Variants in ABCA13 observed in about 807,000 individuals in gnomAD.
ABCA13 encodes the protein ATP binding cassette subfamily A member 13, also known as ATP-binding cassette sub-family A member 13.
Under a neutral mutation model 478.7 loss-of-function variants are expected in ABCA13, and 476 were observed. The ratio of observed to expected loss-of-function variants is 0.99; its 90% confidence interval spans 0.92 to 1.07. The LOEUF (loss-of-function observed/expected upper bound fraction) is 1.07. ABCA13 is among the 50% of genes least tolerant of loss of function. The pLI is 0.00. For missense variants in ABCA13, 6,060 were observed against 5,910.6 expected, an observed-to-expected ratio of 1.03 and a Z score of -0.83; for synonymous variants, 2,252 against 2,158.9, an observed-to-expected ratio of 1.04 and a Z score of -1.20.
At chr7:48,356,185 T>C (rs931740849) in intron 31 of ABCA13, among the ~76,000 whole-genome samples, 1 of 151,552 alleles carries the variant, frequency 6.6e-6, no homozygotes, top group African/African-American at 2.4e-5. Flanking sequence ...ATGGGTGAAA[T>C]AAGGTAAAGA....
chr7:48,363,696 A>G (rs143546890), intron 31 of ABCA13, among the ~76,000 whole-genome samples: 314 of 151,958 alleles, frequency 2.1e-3, no homozygotes, highest in Admixed American at 3.9e-3. Context: ...TGCAGTATCA[A>G]TTTGGCCTGT....
At chr7:48,428,049 C>G in intron 42 of ABCA13, among the ~76,000 whole-genome samples, 178 bp downstream of exon 42, 1 of 143,874 alleles carries the variant, frequency 7.0e-6, no homozygotes, top group South Asian at 2.2e-4. Flanking sequence ...GAGTTTTATC[C>G]TGGCTTGAAA....
intron 55 of ABCA13, among the ~76,000 whole-genome samples, chr7:48,562,583 G>A (rs1258303727): frequency 6.6e-6 from 1 of 152,076 alleles, no homozygotes; most frequent in Non-Finnish European, 1.5e-5. Context: ...GAAAAAAATA[G>A]AATCAAATAT....
chr7:48,362,524 G>A (rs970872005), intron 31 of ABCA13, among the ~76,000 whole-genome samples: 2 of 143,738 alleles, frequency 1.4e-5, no homozygotes, highest in African/African-American at 5.1e-5. Context: ...TCTCTTGTAT[G>A]CATTATATAG....
rs146514149 is a variant in ABCA13, at chr7:48,448,859, T to C, written c.12566-6178T>C. 6.3e-3 allele frequency among the ~76,000 whole-genome samples: 956 copies of C among 152,354 alleles called. 10 individuals are homozygous for C. The highest frequency in any genetic ancestry group is 0.022 in the African/African-American group (901 of 41,580). On this transcript the variant is annotated intron_variant, in intron 42 of 61. Coordinates refer to ENST00000435803, the MANE Select transcript of ABCA13 (RefSeq NM_152701.5). ...AATTAACCTAGCTTTATTTATTTATTTGAGACAGAGTCTTGCTCTGTCTCC... is the reference window on the plus strand; with the variant it reads ...AATTAACCTAGCTTTATTTATTTATCTGAGACAGAGTCTTGCTCTGTCTCC...
intron 55 of ABCA13, among the ~76,000 whole-genome samples, chr7:48,552,630 T>A: frequency 6.6e-6 from 1 of 151,396 alleles, no homozygotes; most frequent in African/African-American, 2.4e-5. Flanking sequence ...ATTGACAAAT[T>A]ATAATTGTAT....
At chr7:48,285,122 A>T (rs961194231) in intron 19 of ABCA13, among the ~76,000 whole-genome samples, 2 of 152,072 alleles carry the variant, frequency 1.3e-5, no homozygotes, top group Admixed American at 1.3e-4. Flanking sequence ...CAGTTTCCCT[A>T]ATTGACGAAT....
rs139183809 is a variant in ABCA13, at chr7:48,298,483, C to T, written c.9317C>T (p.Ser3106Phe). 6.2e-7 allele frequency: 1 copy of T among 1,612,436 alleles called. No individual in the cohort carries two copies. The highest frequency in any genetic ancestry group is 8.5e-7 in the Non-Finnish European group (1 of 1,179,364). ...HSILEANISHSKVLFSALTVA... is the reference protein window; with the variant it reads ...HSILEANISHFKVLFSALTVA... ...ATTCTAGAAGCAAATATTTCCCACT[C>T]CAAGGTGTGGTGCTGTTTCTTGTCT... The change falls in exon 23 of 62, where the codon TCC (serine) becomes TTC (phenylalanine). Residue 3106 changes from serine to phenylalanine, a missense_variant. By Grantham distance (155) the Ser-to-Phe change is radical. Around this residue, in one of 3 missense-constraint regions of ABCA13, gnomAD observed 4,423 missense variants for 4,309.1 expected, o/e 1.03. Transcript: ENST00000435803.
chr7:48,270,562 T>C (rs1312671750), intron 16 of ABCA13, among the ~76,000 whole-genome samples: 1 of 152,208 alleles, frequency 6.6e-6, no homozygotes, highest in Non-Finnish European at 1.5e-5. Context: ...AGGTTTATGT[T>C]GAATTCCTAA....
intron 23 of ABCA13, among the ~76,000 whole-genome samples, chr7:48,307,791 C>A (rs113223034): frequency 6.6e-6 from 1 of 152,120 alleles, no homozygotes; most frequent in African/African-American, 2.4e-5. Flanking sequence ...AGCAATTCCC[C>A]TGCCTCAGTC....
chr7:48,376,670 A>T, intron 35 of ABCA13, 98 bp downstream of exon 35: 1 of 1,328,900 alleles, frequency 7.5e-7, no homozygotes, highest in Non-Finnish European at 1.0e-6. Flanking sequence ...TCTTTAAGGA[A>T]GATCCAGAAA....
chr7:48,633,935 GATAGATAGA>G (rs1794405956), intron 59 of ABCA13, among the ~76,000 whole-genome samples: 1 of 72,300 alleles, frequency 1.4e-5, no homozygotes, highest in Non-Finnish European at 3.1e-5. Flanking sequence ...TAGATACATA[GATAGATAGA>G]TAGATAGATA....
chr7:48,521,593 C>A (rs1363724870), intron 53 of ABCA13, among the ~76,000 whole-genome samples: 1 of 152,054 alleles, frequency 6.6e-6, no homozygotes, highest in Non-Finnish European at 1.5e-5. Context: ...TCTCTGATGT[C>A]CCTTACTAGT....
chr7:48,381,468 A>G (rs923400917), intron 35 of ABCA13, among the ~76,000 whole-genome samples: 3 of 152,076 alleles, frequency 2.0e-5, no homozygotes, highest in Non-Finnish European at 4.4e-5. Context: ...CCCTGTGAGT[A>G]TGACCCCAGC....
intron 15 of ABCA13, among the ~76,000 whole-genome samples, chr7:48,265,589 C>T (rs11983863): frequency 0.44 from 66,567 of 151,000 alleles, 15,028 homozygotes; most frequent in Middle Eastern, 0.56. Context: ...GTTGCTCATA[C>T]AAATATATAT....
chr7:48,591,167 A>C (rs1789701157), intron 57 of ABCA13, among the ~76,000 whole-genome samples: 1 of 151,938 alleles, frequency 6.6e-6, no homozygotes, highest in Non-Finnish European at 1.5e-5. Context: ...GTGTAAGATA[A>C]GGACCGAGTT....
intron 7 of ABCA13, among the ~76,000 whole-genome samples, chr7:48,233,291 G>C (rs2128997510): frequency 6.6e-6 from 1 of 152,244 alleles, no homozygotes; most frequent in East Asian, 1.9e-4. Flanking sequence ...GAATCATCAT[G>C]ATCTGAAACA....
At chr7:48,388,451 T>C (rs973402977) in intron 36 of ABCA13, among the ~76,000 whole-genome samples, 12 of 152,216 alleles carry the variant, frequency 7.9e-5, no homozygotes, top group African/African-American at 2.7e-4. Flanking sequence ...GGACTGTCCC[T>C]GTGCCTCTGC....
intron 38 of ABCA13, among the ~76,000 whole-genome samples, chr7:48,399,237 A>G (rs1419076402): frequency 6.6e-6 from 1 of 152,240 alleles, no homozygotes; most frequent in Non-Finnish European, 1.5e-5. Context: ...TAATTCAAAG[A>G]CAGGAATCAC....
Sources: gnomAD v4.1 joint callset for allele counts (sites outside exome capture counted in the v4.1 genomes callset) on GRCh38, gnomAD v4.1.1 for gene constraint, gnomAD v4.1.1 regional missense constraint, MANE v1.5 for transcripts, NCBI Gene and HGNC (gene_info 2026-07-23, HGNC 2026-07-21) for gene names.